Variants in FAM184A observed in about 807,000 individuals in gnomAD.
FAM184A encodes the protein protein FAM184A.
In FAM184A, 99 loss-of-function variants were observed where a neutral mutation model predicts 143.8. That is an observed-to-expected ratio of 0.69 (90% CI 0.58 to 0.81). The LOEUF (loss-of-function observed/expected upper bound fraction) is 0.81, where lower values mean the gene tolerates loss of function less well. FAM184A is among the 40% of genes least tolerant of loss of function. The pLI is 0.00. For missense variants in FAM184A, 1,217 were observed against 1,310.5 expected (o/e 0.93, Z 1.10); for synonymous variants, 427 against 446.4 (o/e 0.96, Z 0.55).
intron 1 of FAM184A, among the ~76,000 whole-genome samples, chr6:119,058,842 C>T (rs2114763093): frequency 6.6e-6 from 1 of 152,282 alleles, no homozygotes; most frequent in South Asian, 2.1e-4. Flanking sequence ...TCCAATTATA[C>T]CCAGCCATTT....
intron 17 of FAM184A, 67 bp downstream of exon 17, chr6:118,961,694 A>G: frequency 7.9e-7 from 1 of 1,268,978 alleles, no homozygotes. Context: ...TGATTTCTGC[A>G]ATGTAAGAAG....
chr6:118,974,638 T>C, intron 13 of FAM184A, 64 bp from the exon 14 acceptor site: 2 of 1,358,150 alleles, frequency 1.5e-6, no homozygotes, highest in Non-Finnish European at 2.0e-6. Context: ...AACTTTCTAT[T>C]ATTCTACCAG....
upstream of FAM184A, among the ~76,000 whole-genome samples, chr6:119,081,661 G>C (rs541759876): frequency 1.2e-4 from 18 of 152,302 alleles, no homozygotes; most frequent in African/African-American, 4.3e-4. Flanking sequence ...GTTTTATTGA[G>C]GGGAAGTAGA....
At chr6:119,108,280 C>G (rs1442167324) in intron 1 of FAM184A, among the ~76,000 whole-genome samples, 1 of 151,962 alleles carries the variant, frequency 6.6e-6, no homozygotes, top group South Asian at 2.1e-4. Context: ...ACACTCTCAC[C>G]GAATAATTTT....
chr6:119,084,578 G>T (rs1562143995), intron 1 of FAM184A, among the ~76,000 whole-genome samples: 1 of 152,224 alleles, frequency 6.6e-6, no homozygotes, highest in Non-Finnish European at 1.5e-5. Context: ...GGTGCAAGCT[G>T]CCAGTGGCTC....
At chr6:118,988,759 A>C (rs1393624584) in intron 9 of FAM184A, among the ~76,000 whole-genome samples, 1 of 152,140 alleles carries the variant, frequency 6.6e-6, no homozygotes, top group Non-Finnish European at 1.5e-5. Context: ...TCAGAAGTTC[A>C]TTGAAATTTT....
intron 12 of FAM184A, among the ~76,000 whole-genome samples, 170 bp downstream of exon 12, chr6:118,975,747 G>A (rs930413796): frequency 1.8e-4 from 28 of 152,172 alleles, no homozygotes; most frequent in African/African-American, 4.1e-4. Context: ...GTGACAAAGC[G>A]AGACCCTGTC....
chr6:119,023,179 C>G (rs1785507756), intron 2 of FAM184A, 99 bp from the exon 3 acceptor site: 1 of 1,279,076 alleles, frequency 7.8e-7, no homozygotes, highest in Non-Finnish European at 1.1e-6. Flanking sequence ...ATTCAGAAGT[C>G]ATACTAAACT....
intron 10 of FAM184A, 50 bp from the exon 11 acceptor site, chr6:118,979,568 T>C (rs771029646): frequency 7.1e-7 from 1 of 1,410,634 alleles, no homozygotes; most frequent in Non-Finnish European, 9.6e-7. Flanking sequence ...GGAAGGAAAA[T>C]GCAAACAAAA....
chr6:119,104,085 G>A (rs1334680674), intron 1 of FAM184A, among the ~76,000 whole-genome samples: 1 of 151,994 alleles, frequency 6.6e-6, no homozygotes, highest in African/African-American at 2.4e-5. Context: ...TGCCCAGGCT[G>A]GAGTGCAGTG....
chr6:119,103,120 C>T (rs1387284610), intron 1 of FAM184A, among the ~76,000 whole-genome samples: 1 of 152,158 alleles, frequency 6.6e-6, no homozygotes, highest in Non-Finnish European at 1.5e-5. Context: ...GGACCTGGTT[C>T]TTGTCCATGA....
intron 1 of FAM184A, among the ~76,000 whole-genome samples, chr6:119,098,914 G>A (rs760479498): frequency 4.6e-5 from 7 of 152,028 alleles, no homozygotes; most frequent in Non-Finnish European, 8.8e-5. Context: ...GTGGGAGACC[G>A]GCCTGACCAA....
intron 1 of FAM184A, among the ~76,000 whole-genome samples, chr6:119,058,175 C>CTTTTTTTTTT (rs5879483): frequency 1.1e-5 from 1 of 89,716 alleles, no homozygotes. Flanking sequence ...CTCCTTCTCT[C>CTTTTTTTTTT]TTTTTTTTTT....
In FAM184A at chr6:118,975,049, G is replaced by A. The variant is rs150501806; in HGVS notation, c.2743C>T (p.Arg915Ter). The A allele has an allele frequency of 1.6e-5, 25 of 1,612,412 alleles. No homozygotes were observed. The highest frequency in any genetic ancestry group is 2.7e-5 in the African/African-American group (2 of 74,902). ...CTTATCTGTTGGTTAGATTCACTTCGTATTCTGAGAATTTCTTTCCCCTTA... is the reference window on the plus strand; with the variant it reads ...CTTATCTGTTGGTTAGATTCACTTCATATTCTGAGAATTTCTTTCCCCTTA... ...EFKGKEILRI[R>*]SESNQQIRLH... Residue 915 changes from arginine (R) to a stop codon, truncating the protein, a stop_gained, in exon 13 of 18, where the codon CGA (arginine) becomes TGA (stop). Coordinates refer to ENST00000338891, the MANE Select transcript of FAM184A (RefSeq NM_024581.6). LOFTEE classifies it high-confidence loss of function.
intron 15 of FAM184A, among the ~76,000 whole-genome samples, chr6:118,965,287 A>G (rs552987368): frequency 6.6e-6 from 1 of 151,472 alleles, no homozygotes; most frequent in South Asian, 2.1e-4. Context: ...GCCTCAAGCA[A>G]TCCTCTGGCT....
chr6:119,085,890 G>T (rs1465131094), intron 1 of FAM184A, among the ~76,000 whole-genome samples: 1 of 152,108 alleles, frequency 6.6e-6, no homozygotes, highest in Non-Finnish European at 1.5e-5. Flanking sequence ...GGGGGGAGGT[G>T]CTACACACTT....
chr6:119,135,314 GGTA>G (rs1469280755), intron 1 of FAM184A, among the ~76,000 whole-genome samples: 4 of 152,090 alleles, frequency 2.6e-5, no homozygotes, highest in African/African-American at 4.8e-5. Context: ...AATACAGAAT[GGTA>G]GTTACATCTG....
chr6:119,138,498 C>T (rs1382922559), intron 1 of FAM184A, among the ~76,000 whole-genome samples: 1 of 152,202 alleles, frequency 6.6e-6, no homozygotes, highest in African/African-American at 2.4e-5. Flanking sequence ...CTTCCTGGCA[C>T]ATGGCTGCCC....
chr6:119,065,592 C>T (rs1787421129), intron 1 of FAM184A, among the ~76,000 whole-genome samples: 1 of 152,180 alleles, frequency 6.6e-6, no homozygotes, highest in African/African-American at 2.4e-5. Flanking sequence ...CTCATTCACT[C>T]TCTCATTCAT....
Sources: allele counts gnomAD v4.1 joint callset (sites outside exome capture counted in the v4.1 genomes callset), GRCh38; gene constraint gnomAD v4.1.1; transcripts MANE v1.5; gene names NCBI Gene and HGNC (gene_info 2026-07-23, HGNC 2026-07-21).